The following TRIM63 variants were observed in gnomAD, a reference collection of about 807,000 sequenced individuals.
The protein encoded by TRIM63 is E3 ubiquitin-protein ligase TRIM63.
In TRIM63, 48 loss-of-function variants were observed where a neutral mutation model predicts 46.0. That is an observed-to-expected ratio of 1.04 (90% confidence interval 0.83 to 1.33). The LOEUF is 1.33. Ranked by LOEUF, TRIM63 falls within the 40% of genes most tolerant of loss-of-function variation. The probability of loss-of-function intolerance (pLI) is 0.00; values close to 1 mark genes in which losing one functional copy is unlikely to be tolerated. For synonymous variants in TRIM63, 175 were observed against 162.8 expected, an observed-to-expected ratio of 1.08 and a Z score of -0.57; for missense variants, 455 against 441.2, an observed-to-expected ratio of 1.03 and a Z score of -0.28.
intron 8 of TRIM63, among the ~76,000 whole-genome samples, chr1:26,053,489 T>C (rs1180717531): frequency 6.6e-6 from 1 of 152,220 alleles, no homozygotes; most frequent in African/African-American, 2.4e-5. Flanking sequence ...CCCCAAGTGC[T>C]GGGATTACAG....
At chr1:26,059,243 C>T (rs1295073939) in intron 4 of TRIM63, among the ~76,000 whole-genome samples, 7 of 152,004 alleles carry the variant, frequency 4.6e-5, no homozygotes, top group Non-Finnish European at 8.8e-5. Flanking sequence ...AGGATGGTCT[C>T]GATCTCCTGA....
chr1:26,060,259 C>T lies in TRIM63; in HGVS notation c.597+7G>A, dbSNP rs150672089. On this transcript the variant is annotated splice_region_variant and intron_variant, in intron 4 of 8. Transcript: ENST00000374272. ...AATCCCCAGGCAGGACTATTCTGTC[C>T]GCTCACCTTGGTCACTCGACGGGAA... 1.7e-3 allele frequency: 2,672 copies of T among 1,612,494 alleles called. 17 individuals are homozygous for T. The highest frequency in any genetic ancestry group is 5.2e-3 in the East Asian group (234 of 44,864).
At chr1:26,053,555 T>A in intron 8 of TRIM63, among the ~76,000 whole-genome samples, 1 of 152,200 alleles carries the variant, frequency 6.6e-6, no homozygotes, top group East Asian at 1.9e-4. Context: ...TTGTTTGTTT[T>A]AATTTAAACA....
At chr1:26,064,657 A>G (rs1409428046) in intron 2 of TRIM63, among the ~76,000 whole-genome samples, 6 of 152,150 alleles carry the variant, frequency 3.9e-5, no homozygotes, top group Admixed American at 3.9e-4. Flanking sequence ...TACCCAATAA[A>G]TGGTTGATAC....
At chr1:26,060,223 G>A in intron 4 of TRIM63, 43 bp downstream of exon 4, 1 of 1,577,246 alleles carries the variant, frequency 6.3e-7, no homozygotes, top group Non-Finnish European at 8.7e-7. Flanking sequence ...AGGCTGCCCT[G>A]GAAAGCTCCA....
At chr1:26,066,749 G>C (rs749824142) in intron 1 of TRIM63, among the ~76,000 whole-genome samples, 2 of 152,152 alleles carry the variant, frequency 1.3e-5, no homozygotes, top group Non-Finnish European at 1.5e-5. Flanking sequence ...ATTACAATGA[G>C]AGCAAGCTCC....
chr1:26,065,006 G>A (rs540129287), intron 2 of TRIM63, among the ~76,000 whole-genome samples: 2 of 151,616 alleles, frequency 1.3e-5, no homozygotes, highest in South Asian at 2.1e-4. Context: ...AAATTTTTGT[G>A]TTGTGTTGTG....
At chr1:26,055,873 G>A (rs2050566269) in intron 7 of TRIM63, among the ~76,000 whole-genome samples, 2 of 152,156 alleles carry the variant, frequency 1.3e-5, no homozygotes, top group African/African-American at 4.8e-5. Flanking sequence ...TACAGCAGTG[G>A]ATGTCCCCAA....
At chr1:26,057,115 C>A in intron 7 of TRIM63, 88 bp downstream of exon 7, 1 of 1,519,380 alleles carries the variant, frequency 6.6e-7, no homozygotes. Context: ...ATTAGTGTAT[C>A]TGCCTCCCCA....
At position 26,051,830 on chromosome 1, in the gene TRIM63, T is replaced by C; in HGVS notation, c.*43A>G. On this transcript the variant is annotated 3_prime_UTR_variant, in exon 9 of 9. Transcript: ENST00000374272. Reference sequence around the variant, plus strand: ...GGCCGCTGGGCCCCTCCCCACCCTCTCCAGTCTCTCTGCATCTGGGGGCCT... The same window carrying C: ...GGCCGCTGGGCCCCTCCCCACCCTCCCCAGTCTCTCTGCATCTGGGGGCCT... 1 of 932,962 alleles carries C rather than the reference T, an allele frequency of 1.1e-6. No individual in the cohort carries two copies. The highest frequency in any genetic ancestry group is 1.4e-6 in the Non-Finnish European group (1 of 732,246). 57.8% of individuals were successfully genotyped at this position (932,962 alleles called of 1,614,324 possible). A position where few individuals can be genotyped will look rare whatever the true frequency, so the allele number is the denominator to read the frequency against.
intron 2 of TRIM63, among the ~76,000 whole-genome samples, chr1:26,063,201 C>G (rs529886555): frequency 6.6e-6 from 1 of 152,272 alleles, no homozygotes; most frequent in African/African-American, 2.4e-5. Flanking sequence ...TCCCCAGTAG[C>G]TGCAACTGGT....
chr1:26,063,394 T>C (rs916610920), intron 2 of TRIM63, among the ~76,000 whole-genome samples: 1 of 152,260 alleles, frequency 6.6e-6, no homozygotes, highest in Non-Finnish European at 1.5e-5. Flanking sequence ...CAGCCTTACA[T>C]GACTGATCAC....
chr1:26,060,385 G>A, intron 3 of TRIM63, 24 bp from the exon 4 acceptor site: 2 of 1,594,670 alleles, frequency 1.3e-6, no homozygotes, highest in Non-Finnish European at 1.7e-6. Context: ...TGGGGGTCAG[G>A]AGAGGAGAGA....
chr1:26,059,149 C>T (rs752896573), intron 4 of TRIM63, among the ~76,000 whole-genome samples: 6 of 151,816 alleles, frequency 4.0e-5, no homozygotes, highest in Non-Finnish European at 8.8e-5. Context: ...CTCAGCCTCC[C>T]GAGTAGCTGG....
At chr1:26,057,059 G>T in intron 7 of TRIM63, 144 bp downstream of exon 7, 3 of 1,072,056 alleles carry the variant, frequency 2.8e-6, no homozygotes, top group Non-Finnish European at 3.9e-6. Context: ...CACCACAGCC[G>T]GCCAGAAGTT....
At position 26,058,562 on chromosome 1, in the gene TRIM63, A is replaced by G. The variant is rs145551009; in HGVS notation, c.659T>C (p.Leu220Pro). ...CAGCAACTCACTTTTCTTCTCATCC[A>G]GGATGGCATACAACGTGTCAAACTT... The part of the protein sequence containing the change: ...SQKFDTLYAI[L>P]DEKKSELLQR... Residue 220 changes from leucine to proline, a missense_variant, in exon 5 of 9, where the codon CTG becomes CCG. By Grantham distance (98) the Leu-to-Pro change is moderately conservative. Transcript: ENST00000374272. The G allele has an allele frequency of 4.3e-6, 7 of 1,614,114 alleles. No individual in the cohort carries two copies. The highest frequency in any genetic ancestry group is 1.3e-5 in the African/African-American group (1 of 74,936).
chr1:26,067,304 G>T (rs749475848), intron 1 of TRIM63, 32 bp downstream of exon 1: 5 of 1,610,554 alleles, frequency 3.1e-6, no homozygotes, highest in Non-Finnish European at 4.2e-6. Flanking sequence ...AGCCACCTGG[G>T]GACCCCAAAT....
intron 7 of TRIM63, 42 bp downstream of exon 7, chr1:26,057,161 T>C (rs1486345010): frequency 9.2e-6 from 9 of 982,198 alleles, no homozygotes; most frequent in Non-Finnish European, 1.4e-5. Flanking sequence ...TTTCCAGGGG[T>C]CAGGCAGGCA....
At chr1:26,062,699 C>A (rs2050637280) in intron 2 of TRIM63, among the ~76,000 whole-genome samples, 1 of 152,222 alleles carries the variant, frequency 6.6e-6, no homozygotes, top group African/African-American at 2.4e-5. Flanking sequence ...GACCTCCAAC[C>A]TGTTATTTGT....
Sources: gnomAD v4.1 joint callset for allele counts (sites outside exome capture counted in the v4.1 genomes callset) on GRCh38, gnomAD v4.1.1 for gene constraint, MANE v1.5 for transcripts, NCBI Gene and HGNC (gene_info 2026-07-23, HGNC 2026-07-21) for gene names.